The following RBL1 variants were observed in gnomAD, a reference collection of about 807,000 sequenced individuals.
The protein encoded by RBL1 is retinoblastoma-like protein 1.
Under a neutral mutation model 123.0 loss-of-function variants are expected in RBL1, and 82 were observed. The ratio of observed to expected loss-of-function variants is 0.67; its 90% CI spans 0.56 to 0.80. The LOEUF is 0.80. Among genes scored for constraint, RBL1 ranks in the 30% least tolerant of loss-of-function variants. The pLI, the probability that RBL1 is intolerant of heterozygous loss-of-function variation, is 0.00. For synonymous variants in RBL1, 405 were observed against 441.3 expected (o/e 0.92, Z 1.03); for missense variants, 1,171 against 1,299.6 (o/e 0.90, Z 1.52).
chr20:37,080,761 CA>C (rs1195765452), intron 2 of RBL1, among the ~76,000 whole-genome samples: 1 of 152,070 alleles, frequency 6.6e-6, no homozygotes, highest in Non-Finnish European at 1.5e-5. Flanking sequence ...GCCTGGCTCG[CA>C]ATCTACTTTC....
intron 2 of RBL1, among the ~76,000 whole-genome samples, chr20:37,080,937 C>A (rs981357884): frequency 6.6e-6 from 1 of 152,134 alleles, no homozygotes; most frequent in Non-Finnish European, 1.5e-5. Context: ...AGCCAAGGAT[C>A]CATCATCAGA....
chr20:37,072,672 G>A (rs1251674757), intron 2 of RBL1, among the ~76,000 whole-genome samples: 1 of 152,128 alleles, frequency 6.6e-6, no homozygotes, highest in Non-Finnish European at 1.5e-5. Context: ...ACATCTGCTT[G>A]AGATTTTGAA....
Position 37,003,769 on chromosome 20 carries a change from T to G in RBL1, c.2969A>C (p.His990Pro). ...TGGTGTAAGGCCTGACCCATTCTTG[T>G]GCGGGGAAATATAAATGGAGTGCTG... is the stretch of plus-strand genomic sequence containing the variant. ...SQQHSIYISP[H>P]KNGSGLTPRS... The change falls in exon 21 of 22, where the codon CAC becomes CCC. Residue 990 changes from histidine to proline, a missense_variant. Transcript: ENST00000373664. 1 of 1,614,038 alleles carries G rather than the reference T, an allele frequency of 6.2e-7. No individual in the cohort carries two copies. The highest frequency in any genetic ancestry group is 8.5e-7 in the Non-Finnish European group (1 of 1,179,956).
intron 16 of RBL1, among the ~76,000 whole-genome samples, chr20:37,029,527 C>T (rs1362692252): frequency 1.3e-5 from 2 of 152,182 alleles, no homozygotes; most frequent in African/African-American, 2.4e-5. Flanking sequence ...CCTCTAAGAT[C>T]AGGAGTAAGA....
intron 1 of RBL1, among the ~76,000 whole-genome samples, chr20:37,090,432 C>T (rs2065629939): frequency 6.6e-6 from 1 of 152,120 alleles, no homozygotes; most frequent in Non-Finnish European, 1.5e-5. Flanking sequence ...CTTGATGATC[C>T]TGAAGTTTCT....
At chr20:37,012,295 G>T (rs545236394) in intron 19 of RBL1, among the ~76,000 whole-genome samples, 189 of 152,304 alleles carry the variant, frequency 1.2e-3, no homozygotes, top group African/African-American at 4.4e-3. Context: ...CCCCGTCTGG[G>T]AAGTGAGGAG....
At chr20:37,080,760 G>A (rs1373908286) in intron 2 of RBL1, among the ~76,000 whole-genome samples, 1 of 152,042 alleles carries the variant, frequency 6.6e-6, no homozygotes, top group African/African-American at 2.4e-5. Flanking sequence ...CGCCTGGCTC[G>A]CAATCTACTT....
At chr20:37,010,079 C>T (rs532401822) in intron 19 of RBL1, among the ~76,000 whole-genome samples, 3 of 151,762 alleles carry the variant, frequency 2.0e-5, no homozygotes, top group African/African-American at 2.4e-5. Context: ...CATACTTGGC[C>T]GGGTATGGTG....
intron 2 of RBL1, among the ~76,000 whole-genome samples, chr20:37,071,904 G>A (rs1954562886): frequency 6.6e-6 from 1 of 152,164 alleles, no homozygotes; most frequent in African/African-American, 2.4e-5. Flanking sequence ...CTCACCAGGA[G>A]CAGATGCCAG....
chr20:37,066,158 C>T (rs1055375338), intron 6 of RBL1, among the ~76,000 whole-genome samples: 3 of 152,110 alleles, frequency 2.0e-5, no homozygotes, highest in Non-Finnish European at 2.9e-5. Flanking sequence ...TTTAATGGCT[C>T]GACGTTGGGG....
chr20:37,047,527 T>C (rs1049791421), intron 11 of RBL1, among the ~76,000 whole-genome samples: 1 of 152,164 alleles, frequency 6.6e-6, no homozygotes, highest in Admixed American at 6.5e-5. Context: ...GGTTTATTTA[T>C]CAAAACACAG....
chr20:37,011,677 T>C (rs1248027351), intron 19 of RBL1, among the ~76,000 whole-genome samples: 1 of 151,872 alleles, frequency 6.6e-6, no homozygotes, highest in Non-Finnish European at 1.5e-5. Context: ...TCAAGTGATC[T>C]GCCCGCCTCG....
At chr20:37,012,104 A>G (rs1178392072) in intron 19 of RBL1, among the ~76,000 whole-genome samples, 1 of 152,166 alleles carries the variant, frequency 6.6e-6, no homozygotes, top group Non-Finnish European at 1.5e-5. Context: ...ACCGCGAGTG[A>G]TCCGCCAGCC....
At chr20:37,079,466 T>A (rs2065415952) in intron 2 of RBL1, among the ~76,000 whole-genome samples, 1 of 26,980 alleles carries the variant, frequency 3.7e-5, no homozygotes, top group South Asian at 6.8e-4. Context: ...GCTTAAAGCA[T>A]TTTTTTTTTT....
At chr20:37,020,530 TAATGTTATCCATTA>T in intron 18 of RBL1, 115 bp downstream of exon 18, 1 of 685,710 alleles carries the variant, frequency 1.5e-6, no homozygotes, top group South Asian at 1.8e-5. Context: ...CTCTTGAGTT[TAATGTTATCCATTA>T]AAACAGAAAA....
chr20:37,085,055 C>CT (rs1444403833), intron 2 of RBL1, among the ~76,000 whole-genome samples: 1 of 151,748 alleles, frequency 6.6e-6, no homozygotes, highest in Non-Finnish European at 1.5e-5. Context: ...GCATGAGCTA[C>CT]TGCGCCTGGC....
rs762352065 is a variant in RBL1, at chr20:37,095,938, C to G, written c.-10G>C. On this transcript the variant is annotated 5_prime_UTR_variant, in exon 1 of 22. Coordinates refer to ENST00000373664, the MANE Select transcript of RBL1 (RefSeq NM_002895.5). Reference sequence around the variant, plus strand: ...GCTTGTCCTCGAACATCCCTTCAGGCCCCGCGGGCTGCGCGCCACGGCCCC... The same window carrying G: ...GCTTGTCCTCGAACATCCCTTCAGGGCCCGCGGGCTGCGCGCCACGGCCCC... The G allele has an allele frequency of 2.6e-6, 4 of 1,533,566 alleles. No individual in the cohort carries two copies. Among genetic ancestry groups the G allele is most frequent in the Non-Finnish European group, 3.5e-6 (4 of 1,136,108 alleles). The allele number at this position is 1,533,566 out of a possible 1,614,324, so 95.0% of individuals were successfully genotyped here. A position where few individuals can be genotyped will look rare whatever the true frequency, so the allele number is the denominator to read the frequency against.
chr20:37,041,324 C>A (rs1438601279), intron 13 of RBL1, among the ~76,000 whole-genome samples: 1 of 151,978 alleles, frequency 6.6e-6, no homozygotes, highest in African/African-American at 2.4e-5. Context: ...TTTATTTATT[C>A]ATTTAATTTT....
intron 1 of RBL1, among the ~76,000 whole-genome samples, chr20:37,091,738 C>G (rs1440307602): frequency 6.6e-6 from 1 of 151,574 alleles, no homozygotes; most frequent in Admixed American, 6.6e-5. Flanking sequence ...TACACTGTTC[C>G]ACAGACTGTC....
Sources: gnomAD v4.1 joint callset for allele counts (sites outside exome capture counted in the v4.1 genomes callset) on GRCh38, gnomAD v4.1.1 for gene constraint, MANE v1.5 for transcripts, NCBI Gene and HGNC (gene_info 2026-07-23, HGNC 2026-07-21) for gene names.